The following TENM3 variants were observed in gnomAD, a reference collection of about 807,000 sequenced individuals.
TENM3 encodes the protein teneurin-3.
Under a neutral mutation model 255.1 loss-of-function variants are expected in TENM3, and 63 were observed. The observed-to-expected ratio is 0.25, with a 90% CI of 0.20 to 0.30. The LOEUF is 0.30. Ranked by LOEUF, TENM3 falls within the 10% of genes least tolerant of loss-of-function variation. The probability of loss-of-function intolerance (pLI) is 1.00; values close to 1 mark genes in which losing one functional copy is unlikely to be tolerated. For synonymous variants in TENM3, 1,306 were observed against 1,322.3 expected, an observed-to-expected ratio of 0.99 and a Z score of 0.27; for missense variants, 2,929 against 3,461.1, an observed-to-expected ratio of 0.85 and a Z score of 3.86.
the TENM3 span, among the ~76,000 whole-genome samples, chr4:182,009,832 G>A: frequency 1.9e-4 from 29 of 152,212 alleles, no homozygotes; most frequent in Non-Finnish European, 3.8e-4. Flanking sequence ...GGCCCCGGTG[G>A]CCTGGGTTCG....
At chr4:182,517,852 C>T (rs1291671505) in intron 3 of TENM3, among the ~76,000 whole-genome samples, 1 of 152,158 alleles carries the variant, frequency 6.6e-6, no homozygotes, top group African/African-American at 2.4e-5. Context: ...ACTGAAAAAG[C>T]TGTAATTCTA....
At chr4:181,912,100 G>A in the TENM3 span, among the ~76,000 whole-genome samples, 81 of 152,314 alleles carry the variant, frequency 5.3e-4, 2 homozygotes, top group Middle Eastern at 6.8e-3. Flanking sequence ...GTGGGCCAGG[G>A]CCACAAAGCT....
At chr4:182,339,505 A>G (rs1174652777) in intron 2 of TENM3, among the ~76,000 whole-genome samples, 1 of 152,176 alleles carries the variant, frequency 6.6e-6, no homozygotes, top group Non-Finnish European at 1.5e-5. Context: ...TCGGCAGCCA[A>G]CCTGCTTTGT....
chr4:182,328,089 C>A (rs1228789234), intron 2 of TENM3, among the ~76,000 whole-genome samples: 1 of 152,138 alleles, frequency 6.6e-6, no homozygotes, highest in South Asian at 2.1e-4. Context: ...GGGGCCCTAA[C>A]CCAAAGTATA....
chr4:181,923,444 G>T, the TENM3 span, among the ~76,000 whole-genome samples: 11 of 152,098 alleles, frequency 7.2e-5, no homozygotes, highest in African/African-American at 2.7e-4. Flanking sequence ...AAGTTCAGTG[G>T]ATCATTCTGC....
At chr4:181,948,372 A>G in the TENM3 span, among the ~76,000 whole-genome samples, 1 of 152,182 alleles carries the variant, frequency 6.6e-6, no homozygotes. Context: ...CAAATTTATC[A>G]GCTGGCATAC....
chr4:182,601,526 T>C (rs1298081976), intron 4 of TENM3, among the ~76,000 whole-genome samples: 1 of 152,220 alleles, frequency 6.6e-6, no homozygotes, highest in Admixed American at 6.5e-5. Context: ...ATGTCTGGCA[T>C]CTTCTTGGTT....
At chr4:182,013,967 CGT>C in the TENM3 span, among the ~76,000 whole-genome samples, 1 of 105,956 alleles carries the variant, frequency 9.4e-6, no homozygotes, top group East Asian at 2.9e-4. Context: ...CACATATATA[CGT>C]ATATATACGT....
chr4:181,501,194 C>T, the TENM3 span, among the ~76,000 whole-genome samples: 31 of 152,130 alleles, frequency 2.0e-4, no homozygotes, highest in East Asian at 2.1e-3. Context: ...CTGGTGGTGG[C>T]GGGTGGTGGA....
At chr4:181,606,038 T>G in the TENM3 span, among the ~76,000 whole-genome samples, 3 of 151,710 alleles carry the variant, frequency 2.0e-5, no homozygotes, top group Non-Finnish European at 2.9e-5. Flanking sequence ...TGGTGGTAAA[T>G]GAGTACCCAT....
In TENM3 at chr4:182,800,155, G is replaced by A; in HGVS notation, c.7904G>A (p.Arg2635His). 2 of 1,451,252 alleles carry A rather than the reference G, an allele frequency of 1.4e-6. No individual in the cohort carries two copies. The highest frequency in any genetic ancestry group is 1.8e-6 in the Non-Finnish European group (2 of 1,111,790). 89.9% of individuals were successfully genotyped at this position (1,451,252 alleles called of 1,614,324 possible). ...CGCGCGCTCGCCCGGGCCTGGGCGC[G>A]CGAGCAGCAGCGCGTGCGCGACGGC... is the stretch of plus-strand genomic sequence containing the variant. ...RQRALARAWA[R>H]EQQRVRDGEE... Residue 2635 changes from arginine to histidine, a missense_variant, in exon 28 of 28, where the codon CGC becomes CAC. Around this residue, in one of 6 missense-constraint regions of TENM3, gnomAD observed 476 missense variants for 480.1 expected, o/e 0.99. Coordinates refer to ENST00000511685, the MANE Select transcript of TENM3 (RefSeq NM_001080477.4).
rs866818082 is a variant in TENM3 at position 182,166,069 on chromosome 4, C to A, written c.-76+21315C>A. 5.5e-4 allele frequency among the ~76,000 whole-genome samples: 84 copies of A among 152,330 alleles called. No individual in the cohort carries two copies. The Middle Eastern group carries it at 0.01, about 19-fold the overall frequency. ...CTGGGATTACAGGCGTGAGCCACCG[C>A]ACCCGGCCTGTAAAAGCAGTTTTTT... is the stretch of plus-strand genomic sequence containing the variant. On this transcript the variant is annotated intron_variant, in intron 1 of 2. Transcript: ENST00000512480.
the TENM3 span, chr4:181,980,021 G>C: frequency 1.3e-5 from 2 of 152,308 alleles, no homozygotes; most frequent in Admixed American, 1.3e-4. Flanking sequence ...AGCCTCTTTT[G>C]GAAGAAGTTG....
intron 3 of TENM3, among the ~76,000 whole-genome samples, chr4:182,394,743 T>C (rs1347447930): frequency 2.0e-5 from 3 of 152,172 alleles, no homozygotes; most frequent in Non-Finnish European, 4.4e-5. Context: ...ATAAACTAAA[T>C]TGAACCAGAA....
At chr4:182,269,885 G>A (rs573104281) in intron 1 of TENM3, among the ~76,000 whole-genome samples, 7 of 152,200 alleles carry the variant, frequency 4.6e-5, no homozygotes, top group African/African-American at 1.7e-4. Context: ...ATACATTTTA[G>A]GGAGACAGGG....
chr4:181,693,244 G>T, the TENM3 span, among the ~76,000 whole-genome samples: 1 of 152,196 alleles, frequency 6.6e-6, no homozygotes, highest in Non-Finnish European at 1.5e-5. Context: ...TAGCTAAATA[G>T]CCCATTGTAC....
chr4:182,112,910 C>T, the TENM3 span, among the ~76,000 whole-genome samples: 1 of 152,250 alleles, frequency 6.6e-6, no homozygotes, highest in South Asian at 2.1e-4. Flanking sequence ...AGCTAGGAGG[C>T]CTGCTCTACT....
chr4:182,433,593 C>A (rs887150303), intron 3 of TENM3, among the ~76,000 whole-genome samples: 9 of 152,098 alleles, frequency 5.9e-5, no homozygotes, highest in African/African-American at 2.2e-4. Context: ...AAAATCACTT[C>A]GTCAAGTGCA....
chr4:182,700,723 T>C (rs1404736806), intron 12 of TENM3, among the ~76,000 whole-genome samples: 1 of 152,214 alleles, frequency 6.6e-6, no homozygotes, highest in Non-Finnish European at 1.5e-5. Flanking sequence ...CATTAAACTC[T>C]GTTGGTTGAA....
Sources: gnomAD v4.1 joint callset for allele counts (sites outside exome capture counted in the v4.1 genomes callset) on GRCh38, gnomAD v4.1.1 for gene constraint, gnomAD v4.1.1 regional missense constraint, MANE v1.5 for transcripts, NCBI Gene and HGNC (gene_info 2026-07-23, HGNC 2026-07-21) for gene names.